RGS9: variants seen among roughly 807,000 people sequenced by gnomAD.
The protein encoded by RGS9 is regulator of G protein signaling 9.
In RGS9, 78 loss-of-function variants were observed where a neutral mutation model predicts 102.0. The observed-to-expected ratio is 0.76, with a 90% CI of 0.64 to 0.92. The LOEUF (loss-of-function observed/expected upper bound fraction) is 0.92. Among genes scored for constraint, RGS9 ranks in the 40% least tolerant of loss-of-function variants. The pLI, the probability that RGS9 is intolerant of heterozygous loss-of-function variation, is 0.00. For synonymous variants in RGS9, 353 were observed against 318.6 expected, an observed-to-expected ratio of 1.11 and a Z score of -1.15; for missense variants, 833 against 866.1, an observed-to-expected ratio of 0.96 and a Z score of 0.48.
At chr17:65,211,746 C>G (rs911831687) in intron 17 of RGS9, among the ~76,000 whole-genome samples, 1 of 152,244 alleles carries the variant, frequency 6.6e-6, no homozygotes, top group African/African-American at 2.4e-5. Context: ...TCATTCAGCA[C>G]GTCTATTGAG....
intron 14 of RGS9, among the ~76,000 whole-genome samples, chr17:65,202,409 G>GTT (rs1491405799): frequency 1.4e-5 from 1 of 69,492 alleles, no homozygotes; most frequent in Non-Finnish European, 2.9e-5. Context: ...GTCCTGAGGG[G>GTT]TGTGTGTGTG....
At position 65,189,450 on chromosome 17, in the gene RGS9, C is replaced by T. The variant is rs1290726092; in HGVS notation, c.684+135C>T. The T allele has an allele frequency of 2.7e-5, 20 of 750,576 alleles. No individual in the cohort carries two copies. In the East Asian group the frequency reaches 3.1e-4, roughly 12 times the overall value. The allele number at this position is 750,576 out of a possible 1,614,324, so 46.5% of individuals were successfully genotyped here. A position where few individuals can be genotyped will look rare whatever the true frequency, so the allele number is the denominator to read the frequency against. On this transcript the variant is annotated intron_variant, in intron 10 of 18. Transcript: ENST00000262406. ...GTTCAAACAATTATTTCCAAATTCA[C>T]GGACAGCACAGAGTGACGAAGCATC...
intron 11 of RGS9, among the ~76,000 whole-genome samples, chr17:65,191,441 G>A (rs1487769136): frequency 6.6e-6 from 1 of 151,884 alleles, no homozygotes; most frequent in Non-Finnish European, 1.5e-5. Context: ...CCGTCGAGGT[G>A]CCTCATGCCT....
chr17:65,210,463 A>T (rs780249347), intron 16 of RGS9, 25 bp from the exon 17 acceptor site: 1 of 1,612,196 alleles, frequency 6.2e-7, no homozygotes, highest in South Asian at 1.1e-5. Context: ...TTTTCCTCCA[A>T]CCACCAATCT....
At chr17:65,201,095 C>T (rs185585337) in intron 13 of RGS9, among the ~76,000 whole-genome samples, 11 of 146,294 alleles carry the variant, frequency 7.5e-5, no homozygotes, top group Admixed American at 2.2e-4. Flanking sequence ...ACACACTCCA[C>T]GATTTACACA....
rs1034130225 is a variant in RGS9, at chr17:65,137,435, C to T, written c.-106C>T. ...CGCCCTCCCCGCCCAGCCGCCTCCC[C>T]GTCGACGCCCAGGGCTGGGGCGAGC... On this transcript the variant is annotated 5_prime_UTR_variant, in exon 1 of 19. Transcript: ENST00000262406. The T allele has an allele frequency of 2.6e-6, 3 of 1,167,038 alleles. No individual in the cohort carries two copies. The highest frequency in any genetic ancestry group is 1.7e-5 in the Admixed American group (1 of 58,642). 72.3% of individuals were successfully genotyped at this position (1,167,038 alleles called of 1,614,324 possible). A position where few individuals can be genotyped will look rare whatever the true frequency, so the allele number is the denominator to read the frequency against.
Position 65,168,290 on chromosome 17 carries a change from C to T in RGS9, c.582+9C>T. 1.3e-6 allele frequency: 2 copies of T among 1,593,572 alleles called. No homozygotes were observed. Among genetic ancestry groups the T allele is most frequent in the African/African-American group, 2.7e-5 (2 of 74,694 alleles). ...TGGTGCACCGATGCCCTGTGAGTAT[C>T]CTCCTGCCTGGTGTCCTCTGTCTCT... On this transcript the variant is annotated intron_variant, in intron 8 of 18. Coordinates refer to ENST00000262406, the MANE Select transcript of RGS9 (RefSeq NM_003835.4).
chr17:65,197,319 G>A, intron 13 of RGS9, 78 bp downstream of exon 13: 1 of 972,744 alleles, frequency 1.0e-6, no homozygotes, highest in South Asian at 1.4e-5. Context: ...CTAGGGTTTG[G>A]GGAATTTCTC....
Position 65,168,218 on chromosome 17 carries a change from C to A in RGS9, c.519C>A (p.Asn173Lys). 1 of 1,610,832 alleles carries A rather than the reference C, an allele frequency of 6.2e-7. No individual in the cohort carries two copies. Among genetic ancestry groups the A allele is most frequent in the Non-Finnish European group, 8.5e-7 (1 of 1,178,612 alleles). ...KEQYRAGKER[N>K]KADRYALDCQ... ...TTTCCAGGGCTGGAAAGGAGAGGAA[C>A]AAAGCAGACAGATATGCCCTGGACT... Residue 173 changes from asparagine (N) to lysine (K), a missense_variant, in exon 8 of 19, where the codon AAC becomes AAA. Transcript: ENST00000262406.
intron 2 of RGS9, among the ~76,000 whole-genome samples, chr17:65,157,919 ATGTGTGTGTG>A (rs149306337): frequency 6.6e-6 from 1 of 150,682 alleles, no homozygotes; most frequent in Non-Finnish European, 1.5e-5. Flanking sequence ...GTGTGTGTGT[ATGTGTGTGTG>A]TGTGTGTTTA....
At chr17:65,190,100 G>C in intron 10 of RGS9, 75 bp from the exon 11 acceptor site, 1 of 1,209,792 alleles carries the variant, frequency 8.3e-7, no homozygotes, top group Non-Finnish European at 1.2e-6. Context: ...TGGCTTCTGG[G>C]TTTGGAGGCT....
intron 17 of RGS9, among the ~76,000 whole-genome samples, chr17:65,213,869 C>T (rs576753306): frequency 2.0e-5 from 3 of 152,266 alleles, no homozygotes; most frequent in East Asian, 1.9e-4. Flanking sequence ...AGGACATGAG[C>T]GTCTCAACAC....
At chr17:65,186,378 G>T (rs1024661368) in intron 9 of RGS9, among the ~76,000 whole-genome samples, 1 of 151,744 alleles carries the variant, frequency 6.6e-6, no homozygotes, top group East Asian at 1.9e-4. Flanking sequence ...ACCATGCCCG[G>T]CTAATTTTTG....
intron 8 of RGS9, among the ~76,000 whole-genome samples, chr17:65,172,783 T>A (rs1193526154): frequency 6.6e-6 from 1 of 152,042 alleles, no homozygotes; most frequent in African/African-American, 2.4e-5. Flanking sequence ...CTGCGTCCGG[T>A]TGGGGGTCAG....
At chr17:65,155,167 AG>A (rs1451610049) in intron 2 of RGS9, among the ~76,000 whole-genome samples, 2 of 152,226 alleles carry the variant, frequency 1.3e-5, no homozygotes, top group Admixed American at 1.3e-4. Context: ...GCACCCAAAG[AG>A]TGGAAACAGG....
chr17:65,193,631 C>A lies in RGS9; in HGVS notation c.835C>A (p.Gln279Lys). 6.2e-7 allele frequency: 1 copy of A among 1,612,992 alleles called. No individual in the cohort carries two copies. The highest frequency in any genetic ancestry group is 8.5e-7 in the Non-Finnish European group (1 of 1,178,940). ...CAACCCCTGGATCACCGATGACACC[C>A]AGTTCTGGGACTTAAATGCCAAATT... ...PSNPWITDDT[Q>K]FWDLNAKLVE... Residue 279 changes from glutamine (Q) to lysine (K), a missense_variant, in exon 12 of 19, where the codon CAG becomes AAG. Gln to Lys is a moderately conservative substitution (Grantham distance 53). Around this residue, in one of 3 missense-constraint regions of RGS9, gnomAD observed 328 missense variants for 340.6 expected, o/e 0.96. Coordinates refer to ENST00000262406, the MANE Select transcript of RGS9 (RefSeq NM_003835.4).
At chr17:65,227,022 C>T (rs1174868333) in intron 18 of RGS9, among the ~76,000 whole-genome samples, 1 of 152,146 alleles carries the variant, frequency 6.6e-6, no homozygotes, top group African/African-American at 2.4e-5. Context: ...AAAATGAAAA[C>T]AAAGCACCTT....
At chr17:65,158,750 G>T in intron 3 of RGS9, 1 of 339,638 alleles carries the variant, frequency 2.9e-6, no homozygotes. Flanking sequence ...AAGGGAGATT[G>T]AGAGTCATGG....
chr17:65,190,524 TC>T (rs1175035529), intron 11 of RGS9, among the ~76,000 whole-genome samples: 1 of 152,184 alleles, frequency 6.6e-6, no homozygotes, highest in African/African-American at 2.4e-5. Flanking sequence ...GAGTTGGAAG[TC>T]CGTGGACTGT....
Sources: allele counts gnomAD v4.1 joint callset (sites outside exome capture counted in the v4.1 genomes callset), GRCh38; gene constraint gnomAD v4.1.1; regional missense constraint gnomAD v4.1.1; transcripts MANE v1.5; gene names NCBI Gene and HGNC (gene_info 2026-07-23, HGNC 2026-07-21).